RPTOR: variants seen among roughly 807,000 people sequenced by gnomAD.
RPTOR encodes the protein regulatory associated protein of MTOR complex 1.
RPTOR carries 21 observed loss-of-function variants against 169.9 expected under a neutral mutation model. The ratio of observed to expected loss-of-function variants is 0.12; its 90% CI spans 0.09 to 0.18. The LOEUF (loss-of-function observed/expected upper bound fraction) is 0.18, where lower values mean the gene tolerates loss of function less well. Among genes scored for constraint, RPTOR ranks in the 10% least tolerant of loss-of-function variants. RPTOR has a pLI of 1.00. For missense variants in RPTOR, 1,133 were observed against 1,855.9 expected (o/e 0.61, Z 7.16); for synonymous variants, 732 against 753.2 (o/e 0.97, Z 0.46).
chr17:80,927,253 G>T (rs1458802904), intron 24 of RPTOR, among the ~76,000 whole-genome samples: 1 of 152,206 alleles, frequency 6.6e-6, no homozygotes, highest in Non-Finnish European at 1.5e-5. Flanking sequence ...ATGTTAACAA[G>T]CTTGGTGTCC....
chr17:80,609,996 C>T lies in RPTOR; in HGVS notation c.163-15695C>T, dbSNP rs1246548907. On this transcript the variant is annotated intron_variant, in intron 1 of 33. Coordinates refer to ENST00000306801, the MANE Select transcript of RPTOR (RefSeq NM_020761.3). This position sits in a 1 kb window ranked among gnomAD's most constrained non-coding sequence, Gnocchi z 4.8. ...AGCAAGTCGGTTCTCACGTCAAGGG[C>T]ATGTCCTGAGGGTTATGGGGCCTTG... is the stretch of plus-strand genomic sequence containing the variant. Among the ~76,000 whole-genome samples the T allele has an allele frequency of 1.3e-5, 2 of 152,252 alleles. No individual in the cohort carries two copies. The highest frequency in any genetic ancestry group is 1.9e-4 in the East Asian group (1 of 5,182).
chr17:80,848,183 G>A (rs1301360051), intron 11 of RPTOR, among the ~76,000 whole-genome samples: 2 of 152,218 alleles, frequency 1.3e-5, no homozygotes, highest in Non-Finnish European at 2.9e-5. Context: ...CTGCCCTGGT[G>A]TTATGATCCC....
rs550880050 is a variant in RPTOR at position 80,602,830 on chromosome 17, C to T, written c.163-22861C>T. On this transcript the variant is annotated intron_variant, in intron 1 of 33. Transcript: ENST00000306801. ...CGCTTCATGAAGCCCACTCCGTGGACGCGCTGGTGAATGTTGATGGTGTCT... is the reference window on the plus strand; with the variant it reads ...CGCTTCATGAAGCCCACTCCGTGGATGCGCTGGTGAATGTTGATGGTGTCT... 6 of 618,870 alleles carry T rather than the reference C, an allele frequency of 9.7e-6. No individual in the cohort carries two copies. The South Asian group carries it at 9.8e-5, about 10-fold the overall frequency. The allele number at this position is 618,870 out of a possible 1,614,324, so 38.3% of individuals were successfully genotyped here. A position where few individuals can be genotyped will look rare whatever the true frequency, so the allele number is the denominator to read the frequency against.
At position 80,823,362 on chromosome 17, in the gene RPTOR, A is replaced by AGG; in HGVS notation, c.1136+139_1136+140insGG. 1 of 884,802 alleles carries AGG rather than the reference A, an allele frequency of 1.1e-6. No homozygotes were observed. The highest frequency in any genetic ancestry group is 1.5e-6 in the Non-Finnish European group (1 of 648,222). 54.8% of individuals were successfully genotyped at this position (884,802 alleles called of 1,614,324 possible). A position where few individuals can be genotyped will look rare whatever the true frequency, so the allele number is the denominator to read the frequency against. On this transcript the variant is annotated intron_variant, in intron 9 of 33. Transcript: ENST00000306801. The surrounding 1 kb of genome is among the most constrained non-coding windows in gnomAD (Gnocchi z 4.5). Reference sequence around the variant, plus strand: ...CGTGTAGCATTAACAAGTGAAGCTAAATGCAGGGCTCCCAGAGATCTCCAC... The same window carrying AGG: ...CGTGTAGCATTAACAAGTGAAGCTAAGGATGCAGGGCTCCCAGAGATCTCCAC...
At chr17:80,827,324 C>G (rs1475143883) in intron 9 of RPTOR, among the ~76,000 whole-genome samples, 1 of 152,222 alleles carries the variant, frequency 6.6e-6, no homozygotes, top group Non-Finnish European at 1.5e-5. Context: ...GACTTGGCAG[C>G]TCAGAACAGC....
rs748564704 is a variant in RPTOR, at chr17:80,651,181, G to A, written c.348+7371G>A. On this transcript the variant is annotated intron_variant, in intron 3 of 33. Transcript: ENST00000306801. The surrounding 1 kb of genome is among the most constrained non-coding windows in gnomAD (Gnocchi z 4.1). ...TCTGAAGGACAGGCAGGTGCCAGGC[G>A]AGGGATGGAAGTGCTGCTTCTAAGT... 3.3e-5 allele frequency among the ~76,000 whole-genome samples: 5 copies of A among 152,172 alleles called. No homozygotes were observed. Among genetic ancestry groups the A allele is most frequent in the Non-Finnish European group, 7.3e-5 (5 of 68,030 alleles).
chr17:80,800,420 A>C (rs1313013544), intron 7 of RPTOR, among the ~76,000 whole-genome samples: 1 of 152,234 alleles, frequency 6.6e-6, no homozygotes, highest in East Asian at 1.9e-4. Context: ...TCAGATGGGC[A>C]AAACACGTTG....
chr17:80,867,830 C>G (rs1438696657), intron 13 of RPTOR, among the ~76,000 whole-genome samples: 1 of 152,034 alleles, frequency 6.6e-6, no homozygotes, highest in African/African-American at 2.4e-5. Flanking sequence ...GATCTGTACA[C>G]CAAAACTACA....
chr17:80,791,599 T>C (rs2067049685), intron 7 of RPTOR, 90 bp downstream of exon 7: 2 of 1,110,612 alleles, frequency 1.8e-6, no homozygotes, highest in Non-Finnish European at 2.6e-6. Flanking sequence ...AAGTACTTTC[T>C]ATCAACATGG....
At chr17:80,873,309 G>C (rs1165679608) in intron 13 of RPTOR, among the ~76,000 whole-genome samples, 1 of 152,140 alleles carries the variant, frequency 6.6e-6, no homozygotes, top group Non-Finnish European at 1.5e-5. Flanking sequence ...GGTCCTGGGA[G>C]TGATTGGCAT....
intron 20 of RPTOR, among the ~76,000 whole-genome samples, chr17:80,904,825 T>C (rs1464724706): frequency 6.6e-6 from 1 of 152,116 alleles, no homozygotes; most frequent in African/African-American, 2.4e-5. Context: ...AGACGTGAAA[T>C]AAAGACAGCA....
chr17:80,948,822 G>A (rs146924270), intron 27 of RPTOR, among the ~76,000 whole-genome samples: 66 of 152,296 alleles, frequency 4.3e-4, no homozygotes, highest in African/African-American at 1.6e-3. Flanking sequence ...CGACCTCCCT[G>A]CCTGTCTGCT....
intron 1 of RPTOR, among the ~76,000 whole-genome samples, chr17:80,612,975 A>C (rs1180315370): frequency 6.6e-6 from 1 of 152,224 alleles, no homozygotes; most frequent in Non-Finnish European, 1.5e-5. Context: ...TATAAAAAGA[A>C]CCTAAAGCAT....
At chr17:80,723,106 G>T (rs79475460) in intron 4 of RPTOR, among the ~76,000 whole-genome samples, 9,745 of 151,276 alleles carry the variant, frequency 0.064, 1,540 homozygotes, top group African/African-American at 0.23. Context: ...AGTGCATCAG[G>T]TTTGGGGGTG....
chr17:80,762,415 G>A (rs2066745274), intron 6 of RPTOR, among the ~76,000 whole-genome samples: 1 of 152,182 alleles, frequency 6.6e-6, no homozygotes, highest in South Asian at 2.1e-4. Context: ...GCTGGCGAGG[G>A]CCCCAGGGTG....
At chr17:80,563,050 C>T (rs2084521089) in intron 1 of RPTOR, among the ~76,000 whole-genome samples, 1 of 152,144 alleles carries the variant, frequency 6.6e-6, no homozygotes, top group Non-Finnish European at 1.5e-5. Context: ...TGGTCTGTTG[C>T]TGGTCTGGCT....
intron 24 of RPTOR, among the ~76,000 whole-genome samples, chr17:80,927,011 A>G (rs4969228): frequency 0.3 from 45,543 of 152,186 alleles, 7,022 homozygotes; most frequent in Middle Eastern, 0.36. Flanking sequence ...TGCGGGTGGC[A>G]TGAGGGTGGC....
At position 80,795,690 on chromosome 17, in the gene RPTOR, C is replaced by T. The variant is rs561305788; in HGVS notation, c.890+4181C>T. Among the ~76,000 whole-genome samples, 36 of 152,120 alleles carry T rather than the reference C, an allele frequency of 2.4e-4. 1 individual carries two copies. The highest frequency in any genetic ancestry group is 6.3e-4 in the African/African-American group (26 of 41,490). On this transcript the variant is annotated intron_variant, in intron 7 of 33. Transcript: ENST00000306801. ...TGGGAAGAATATGGACGTTGGAGTCCGAGCAGCTCCATCTGGCCCTCCTGA... is the reference window on the plus strand; with the variant it reads ...TGGGAAGAATATGGACGTTGGAGTCTGAGCAGCTCCATCTGGCCCTCCTGA...
At chr17:80,680,467 T>G (rs879841112) in intron 3 of RPTOR, among the ~76,000 whole-genome samples, 4 of 152,094 alleles carry the variant, frequency 2.6e-5, no homozygotes, top group Admixed American at 6.6e-5. Context: ...AATCCCATCT[T>G]TACTAAAAAT....
Sources: allele counts gnomAD v4.1 joint callset (sites outside exome capture counted in the v4.1 genomes callset), GRCh38; gene constraint gnomAD v4.1.1; non-coding constraint Gnocchi (gnomAD v3.1); transcripts MANE v1.5; gene names NCBI Gene and HGNC (gene_info 2026-07-23, HGNC 2026-07-21).